The following CCNJL variants were observed in gnomAD, a reference collection of about 807,000 sequenced individuals.
The protein encoded by CCNJL is cyclin-J-like protein.
CCNJL carries 33 observed loss-of-function variants against 33.4 expected under a neutral mutation model. The observed-to-expected ratio is 0.99, with a 90% CI of 0.75 to 1.32. CCNJL has a LOEUF of 1.32. Ranked by LOEUF, CCNJL falls within the 40% of genes most tolerant of loss-of-function variation. The pLI is 0.00. For synonymous variants in CCNJL, 227 were observed against 220.9 expected (o/e 1.03, Z -0.24); for missense variants, 512 against 499.7 (o/e 1.02, Z -0.23).
At chr5:160,323,951 G>A (rs1379479779) in intron 1 of CCNJL, among the ~76,000 whole-genome samples, 2 of 152,108 alleles carry the variant, frequency 1.3e-5, no homozygotes, top group African/African-American at 4.8e-5. Context: ...ATTCCGACGG[G>A]GACTATCCCC....
chr5:160,308,561 C>T (rs1763165265), intron 2 of CCNJL, among the ~76,000 whole-genome samples: 1 of 152,192 alleles, frequency 6.6e-6, no homozygotes, highest in Admixed American at 6.5e-5. Flanking sequence ...TTCTTCGAGA[C>T]CAGCCTGACC....
chr5:160,263,199 T>C (rs912646714), intron 3 of CCNJL, among the ~76,000 whole-genome samples: 2 of 152,118 alleles, frequency 1.3e-5, no homozygotes, highest in African/African-American at 4.8e-5. Context: ...CCATTTCTAG[T>C]CAAGTTGCAG....
At chr5:160,280,881 A>G (rs777317480) in intron 2 of CCNJL, 143 bp from the exon 3 acceptor site, 5 of 715,616 alleles carry the variant, frequency 7.0e-6, no homozygotes, top group Non-Finnish European at 7.6e-6. Flanking sequence ...AAGTCCCAGG[A>G]TGGCAGCCCC....
Position 160,259,551 on chromosome 5 carries a change from GTGGCAGTGGTGGTCCTTC to G in CCNJL, c.483_500del (p.Gln161_Cys166del), listed in dbSNP as rs1465959424. On this transcript the variant is annotated inframe_deletion, in exon 4 of 6. Coordinates refer to ENST00000257536, the MANE Select transcript of CCNJL (RefSeq NM_001308173.3). ...TGCGGGGGCAGGTGGTGGGCCAGGT[GTGGCAGTGGTGGTCCTTC>G]TGGCTGACGGAGGCCAAGAGGTAGT... 1.4e-5 allele frequency: 22 copies of G among 1,614,084 alleles called. No homozygotes were observed. Among genetic ancestry groups the G allele is most frequent in the Non-Finnish European group, 1.9e-5 (22 of 1,180,044 alleles).
At chr5:160,307,368 C>G (rs1763125607) in intron 2 of CCNJL, among the ~76,000 whole-genome samples, 1 of 152,140 alleles carries the variant, frequency 6.6e-6, no homozygotes, top group Non-Finnish European at 1.5e-5. Context: ...GGCCAGGACA[C>G]ATGACAAAGG....
At chr5:160,298,838 A>G (rs1014768769) in intron 2 of CCNJL, among the ~76,000 whole-genome samples, 3 of 152,232 alleles carry the variant, frequency 2.0e-5, no homozygotes, top group African/African-American at 7.2e-5. Context: ...TAGCAGGTCA[A>G]ATCCAGAATA....
At chr5:160,334,498 G>A (rs191763170) in intron 1 of CCNJL, among the ~76,000 whole-genome samples, 55 of 152,246 alleles carry the variant, frequency 3.6e-4, no homozygotes, top group African/African-American at 1.2e-3. Flanking sequence ...CATACAGTAA[G>A]TCATTTAATC....
chr5:160,265,147 A>G (rs1205282757), intron 3 of CCNJL, among the ~76,000 whole-genome samples: 1 of 152,180 alleles, frequency 6.6e-6, no homozygotes, highest in Non-Finnish European at 1.5e-5. Context: ...CCAACTAGAC[A>G]GACCGTGTTC....
At chr5:160,266,720 C>G (rs1332556558) in intron 3 of CCNJL, among the ~76,000 whole-genome samples, 1 of 152,172 alleles carries the variant, frequency 6.6e-6, no homozygotes, top group African/African-American at 2.4e-5. Flanking sequence ...GCACTCCAGA[C>G]CCGGGATCTT....
chr5:160,267,400 C>T (rs1425942006), intron 3 of CCNJL, among the ~76,000 whole-genome samples: 1 of 152,230 alleles, frequency 6.6e-6, no homozygotes, highest in Non-Finnish European at 1.5e-5. Context: ...AAAAGTCTGT[C>T]TGCTCCATGA....
intron 2 of CCNJL, among the ~76,000 whole-genome samples, chr5:160,288,031 A>G (rs893092674): frequency 2.3e-4 from 35 of 152,204 alleles, no homozygotes; most frequent in African/African-American, 8.4e-4. Flanking sequence ...AGGTGGAGGC[A>G]TGGACAGATG....
At chr5:160,311,642 CCTT>C (rs1284416257) in intron 2 of CCNJL, among the ~76,000 whole-genome samples, 3 of 152,120 alleles carry the variant, frequency 2.0e-5, no homozygotes, top group African/African-American at 7.2e-5. Flanking sequence ...GTTCTGAGCT[CCTT>C]ATCAGAAAAA....
At position 160,249,871 on chromosome 5, in the gene CCNJL, AC is replaced by A. The variant is rs1488775895; in HGVS notation, c.*3506del. The stretch of plus-strand genomic sequence containing the variant: ...TAAAAATACAACTGAAATATAAAAA[AC>A]AAACAAAGAAATCATATGCCTGAAT... On this transcript the variant is annotated 3_prime_UTR_variant, in exon 6 of 6. Coordinates refer to ENST00000257536, the MANE Select transcript of CCNJL (RefSeq NM_001308173.3). 1 of 152,054 alleles carries A rather than the reference AC, an allele frequency of 6.6e-6. No individual in the cohort carries two copies. The highest frequency in any genetic ancestry group is 1.5e-5 in the Non-Finnish European group (1 of 68,010). 9.4% of individuals were successfully genotyped at this position (152,054 alleles called of 1,614,324 possible).
chr5:160,303,820 A>T (rs529867855), intron 2 of CCNJL, among the ~76,000 whole-genome samples: 2 of 152,174 alleles, frequency 1.3e-5, no homozygotes, highest in East Asian at 3.9e-4. Context: ...CAGATATACT[A>T]GAGAACTGCT....
rs369314966 is a variant in CCNJL, at chr5:160,253,164, G to A, written c.*214C>T. 7 of 462,044 alleles carry A rather than the reference G, an allele frequency of 1.5e-5. No individual in the cohort carries two copies. The highest frequency in any genetic ancestry group is 4.0e-5 in the Admixed American group (1 of 25,224). 28.6% of individuals were successfully genotyped at this position (462,044 alleles called of 1,614,324 possible). On this transcript the variant is annotated 3_prime_UTR_variant, in exon 6 of 6. Coordinates refer to ENST00000257536, the MANE Select transcript of CCNJL (RefSeq NM_001308173.3). Reference sequence around the variant, plus strand: ...CCATCCTTTTGTACCCTAGCCACACGTGGCAGACGTTTCTCAGAGGAATGC... The same window carrying A: ...CCATCCTTTTGTACCCTAGCCACACATGGCAGACGTTTCTCAGAGGAATGC...
chr5:160,258,772 C>T (rs1263781310), intron 4 of CCNJL, among the ~76,000 whole-genome samples: 3 of 152,218 alleles, frequency 2.0e-5, no homozygotes, highest in Non-Finnish European at 4.4e-5. Context: ...TCTCCGCTCA[C>T]TGCAATCTCC....
chr5:160,264,938 A>T (rs1761508877), intron 3 of CCNJL, among the ~76,000 whole-genome samples: 1 of 152,178 alleles, frequency 6.6e-6, no homozygotes, highest in Non-Finnish European at 1.5e-5. Context: ...AATTTTAAAT[A>T]TACGAAAAGA....
At chr5:160,296,743 C>T (rs557192895) in intron 2 of CCNJL, among the ~76,000 whole-genome samples, 2 of 152,290 alleles carry the variant, frequency 1.3e-5, no homozygotes, top group African/African-American at 2.4e-5. Flanking sequence ...CTTGACTCTC[C>T]CTAGCTGCCC....
At chr5:160,322,845 G>A (rs1250230873) in intron 1 of CCNJL, among the ~76,000 whole-genome samples, 1 of 151,856 alleles carries the variant, frequency 6.6e-6, no homozygotes, top group Non-Finnish European at 1.5e-5. Flanking sequence ...GCAGGCAGAG[G>A]GAGGACGCAG....
Sources: gnomAD v4.1 joint callset for allele counts (sites outside exome capture counted in the v4.1 genomes callset) on GRCh38, gnomAD v4.1.1 for gene constraint, MANE v1.5 for transcripts, NCBI Gene and HGNC (gene_info 2026-07-23, HGNC 2026-07-21) for gene names.